Variants in ARMC9 observed in about 807,000 individuals in gnomAD.
ARMC9 encodes armadillo repeat containing 9.
A neutral mutation model predicts 107.0 loss-of-function variants in ARMC9; 94 were observed. The ratio of observed to expected loss-of-function variants is 0.88; its 90% confidence interval spans 0.74 to 1.04. The LOEUF (loss-of-function observed/expected upper bound fraction) is 1.04, where lower values mean the gene tolerates loss of function less well. ARMC9 is among the 50% of genes least tolerant of loss of function. The probability of loss-of-function intolerance (pLI) is 0.00; values close to 1 mark genes in which losing one functional copy is unlikely to be tolerated. For missense variants in ARMC9, 942 were observed against 1,030.1 expected, an observed-to-expected ratio of 0.91 and a Z score of 1.17; for synonymous variants, 380 against 396.9, an observed-to-expected ratio of 0.96 and a Z score of 0.51.
chr2:231,277,851 C>T (rs753960634), intron 15 of ARMC9, among the ~76,000 whole-genome samples: 26 of 152,158 alleles, frequency 1.7e-4, no homozygotes, highest in Non-Finnish European at 2.9e-4. Flanking sequence ...GCGTAAAGCA[C>T]CGCACCCAGC....
Position 231,371,651 on chromosome 2 carries a change from A to G in ARMC9, c.*116A>G. The G allele has an allele frequency of 9.4e-7, 1 of 1,065,404 alleles. No homozygotes were observed. The highest frequency in any genetic ancestry group is 1.6e-5 in the African/African-American group (1 of 60,734). 66.0% of individuals were successfully genotyped at this position (1,065,404 alleles called of 1,614,324 possible). A position where few individuals can be genotyped will look rare whatever the true frequency, so the allele number is the denominator to read the frequency against. On this transcript the variant is annotated 3_prime_UTR_variant, in exon 25 of 25. Transcript: ENST00000611582. ...GGACAGTTGTCCACAAGACTCTGGG[A>G]GCTGAGGGGAGGCCGGCTCTCCAGG... is the stretch of plus-strand genomic sequence containing the variant.
At position 231,372,598 on chromosome 2, in the gene ARMC9, T is replaced by G. The variant is rs1332188002; in HGVS notation, c.*1063T>G. The G allele has an allele frequency of 6.6e-6, 1 of 152,358 alleles. No individual in the cohort carries two copies. The highest frequency in any genetic ancestry group is 1.5e-5 in the Non-Finnish European group (1 of 68,218). 9.4% of individuals were successfully genotyped at this position (152,358 alleles called of 1,614,324 possible). A position where few individuals can be genotyped will look rare whatever the true frequency, so the allele number is the denominator to read the frequency against. On this transcript the variant is annotated 3_prime_UTR_variant, in exon 25 of 25. Transcript: ENST00000611582. ...CCAGGGCTGTCATCAGAATCCAGTC[T>G]TAGGACAGAGGAAGGATGTTTGCCT...
At chr2:231,246,119 A>G (rs575479810) in intron 9 of ARMC9, among the ~76,000 whole-genome samples, 36 of 152,310 alleles carry the variant, frequency 2.4e-4, no homozygotes, top group Non-Finnish European at 2.6e-4. Context: ...CCTTATTTAG[A>G]AAGATGCCCA....
chr2:231,356,004 C>A, intron 22 of ARMC9, 70 bp downstream of exon 22: 1 of 1,474,658 alleles, frequency 6.8e-7, no homozygotes, highest in Admixed American at 2.2e-5. Flanking sequence ...AAAACAGCAG[C>A]AGGAGTGGCA....
Position 231,360,426 on chromosome 2 carries a change from G to A in ARMC9, c.2132-328G>A, listed in dbSNP as rs766496409. On this transcript the variant is annotated intron_variant, in intron 22 of 24. Coordinates refer to ENST00000611582, the MANE Select transcript of ARMC9 (RefSeq NM_001352754.2). This position sits in a 1 kb window ranked among gnomAD's most constrained non-coding sequence, Gnocchi z 4.7. ...ATGGGCCTCCACATTCTGTCTGGGG[G>A]CGCCTAGCCATGGCCCAGGGAGACA... Among the ~76,000 whole-genome samples the A allele has an allele frequency of 3.3e-5, 5 of 152,240 alleles. No homozygotes were observed. Among genetic ancestry groups the A allele is most frequent in the Non-Finnish European group, 5.9e-5 (4 of 68,040 alleles).
intron 5 of ARMC9, among the ~76,000 whole-genome samples, chr2:231,218,933 G>T (rs2033821007): frequency 6.6e-6 from 1 of 151,970 alleles, no homozygotes; most frequent in African/African-American, 2.4e-5. Flanking sequence ...TGTATTTTTA[G>T]TAGAGACGGG....
At chr2:231,361,232 T>A (rs1289075639) in intron 23 of ARMC9, among the ~76,000 whole-genome samples, 1 of 151,744 alleles carries the variant, frequency 6.6e-6, no homozygotes. Flanking sequence ...TTGGAGGAAG[T>A]GGGCTGTAGG....
intron 16 of ARMC9, 77 bp downstream of exon 16, chr2:231,278,535 A>C: frequency 7.8e-7 from 1 of 1,286,918 alleles, no homozygotes; most frequent in Non-Finnish European, 1.1e-6. Flanking sequence ...CCACAGGCAC[A>C]CAGCTGGCCC....
intron 18 of ARMC9, chr2:231,294,215 T>C (rs2041209918): frequency 6.6e-6 from 1 of 152,228 alleles, no homozygotes; most frequent in African/African-American, 2.4e-5. Flanking sequence ...TGGCAAAGCC[T>C]AAAGGAAAAT....
At chr2:231,262,083 A>G (rs1208125086) in intron 11 of ARMC9, among the ~76,000 whole-genome samples, 7 of 152,004 alleles carry the variant, frequency 4.6e-5, no homozygotes, top group Non-Finnish European at 1.0e-4. Flanking sequence ...CGGCCTCCCA[A>G]ATTGCTGGGA....
rs574982334 is a variant in ARMC9 at position 231,212,515 on chromosome 2, C to T, written c.178-2316C>T. Reference sequence around the variant, plus strand: ...CTTTTCTTTAAGCCATAACGTTTCACAAGAGTCTGCGCTCACCTCATCCAC... The same window carrying T: ...CTTTTCTTTAAGCCATAACGTTTCATAAGAGTCTGCGCTCACCTCATCCAC... On this transcript the variant is annotated intron_variant, in intron 3 of 24. Transcript: ENST00000611582. 1.3e-3 allele frequency among the ~76,000 whole-genome samples: 201 copies of T among 151,704 alleles called. 1 individual carries two copies. Among genetic ancestry groups the T allele is most frequent in the East Asian group, 5.3e-3 (27 of 5,116 alleles).
At chr2:231,253,519 C>A (rs1417556264) in intron 9 of ARMC9, among the ~76,000 whole-genome samples, 1 of 151,972 alleles carries the variant, frequency 6.6e-6, no homozygotes, top group East Asian at 1.9e-4. Flanking sequence ...TGTACTCCAG[C>A]CTGGGAGACA....
chr2:231,367,207 C>T (rs1343332648), intron 23 of ARMC9, among the ~76,000 whole-genome samples: 1 of 152,098 alleles, frequency 6.6e-6, no homozygotes, highest in Non-Finnish European at 1.5e-5. Flanking sequence ...GCTTTGATGC[C>T]CAGTGGCAAA....
At chr2:231,326,389 A>G (rs2043318965) in intron 19 of ARMC9, among the ~76,000 whole-genome samples, 3 of 152,248 alleles carry the variant, frequency 2.0e-5, no homozygotes, top group Admixed American at 6.5e-5. Flanking sequence ...AATGCCCCCA[A>G]ATGCAAGCTA....
chr2:231,293,188 T>G (rs534014295), intron 18 of ARMC9, among the ~76,000 whole-genome samples: 2 of 152,274 alleles, frequency 1.3e-5, no homozygotes, highest in East Asian at 3.9e-4. Flanking sequence ...TGGGCAAAAA[T>G]TAGAACTTTA....
chr2:231,216,742 T>A lies in ARMC9; in HGVS notation c.453T>A (p.Leu151=). The change falls in exon 5 of 25, where the codon CTT becomes CTA. Residue 151 remains leucine (L), a synonymous_variant. Transcript: ENST00000611582. ...QTTEFLPFYA[L]PFVPNPMVHP... ...CAGAGTTTCTTCCTTTCTATGCCCT[T>A]CCTTTTGTTCCCAACCCTATGGTGC... 4 of 1,614,120 alleles carry A rather than the reference T, an allele frequency of 2.5e-6. No individual in the cohort carries two copies. The South Asian group carries it at 3.3e-5, about 13-fold the overall frequency.
At chr2:231,274,638 C>T (rs781474917) in intron 14 of ARMC9, among the ~76,000 whole-genome samples, 14 of 152,120 alleles carry the variant, frequency 9.2e-5, no homozygotes, top group Non-Finnish European at 2.1e-4. Context: ...CTTTGACTTT[C>T]TTGAGAACTC....
chr2:231,282,249 C>T, intron 17 of ARMC9, 116 bp downstream of exon 17: 1 of 1,016,428 alleles, frequency 9.8e-7, no homozygotes. Flanking sequence ...GTTCCAAACT[C>T]CTTGAAATTG....
intron 3 of ARMC9, among the ~76,000 whole-genome samples, chr2:231,209,602 C>G (rs1468588418): frequency 6.6e-6 from 1 of 152,078 alleles, no homozygotes; most frequent in East Asian, 1.9e-4. Flanking sequence ...GTGGCAGGAT[C>G]TTGGCTTACT....
Sources: allele counts gnomAD v4.1 joint callset (sites outside exome capture counted in the v4.1 genomes callset), GRCh38; gene constraint gnomAD v4.1.1; non-coding constraint Gnocchi (gnomAD v3.1); transcripts MANE v1.5; gene names NCBI Gene and HGNC (gene_info 2026-07-23, HGNC 2026-07-21).